Variants in NGLY1 observed in about 807,000 individuals in gnomAD.
The protein encoded by NGLY1 is N-glycanase 1.
In NGLY1, 68 loss-of-function variants were observed where a neutral mutation model predicts 84.6. The ratio of observed to expected loss-of-function variants is 0.80; its 90% CI spans 0.66 to 0.98. NGLY1 has a LOEUF of 0.98. NGLY1 is among the 50% of genes least tolerant of loss of function. The pLI is 0.00. For missense variants in NGLY1, 779 were observed against 770.2 expected (o/e 1.01, Z -0.14); for synonymous variants, 280 against 275.2 (o/e 1.02, Z -0.17).
At chr3:25,765,675 T>G (rs192980545) in intron 2 of NGLY1, among the ~76,000 whole-genome samples, 19 of 152,260 alleles carry the variant, frequency 1.2e-4, no homozygotes, top group African/African-American at 4.6e-4. Flanking sequence ...CCACGTATGA[T>G]TCATAATTGC....
At chr3:25,727,491 G>A (rs1383506630) in intron 10 of NGLY1, among the ~76,000 whole-genome samples, 1 of 152,132 alleles carries the variant, frequency 6.6e-6, no homozygotes, top group Non-Finnish European at 1.5e-5. Context: ...CAGCTCAAAT[G>A]TCGTCTGCTC....
chr3:25,732,239 A>T, intron 9 of NGLY1, 80 bp downstream of exon 9: 1 of 1,272,034 alleles, frequency 7.9e-7, no homozygotes, highest in Non-Finnish European at 1.1e-6. Flanking sequence ...TAGTCAATGC[A>T]GTTGGAGGAT....
rs941612644 is a variant in NGLY1, at chr3:25,733,541, T to G, written c.1260+331A>C. ...TATGTACATACATAATACATAAATA[T>G]GAGTCTGTGTCATATCCAAGGCACA... On this transcript the variant is annotated intron_variant, in intron 8 of 11. Coordinates refer to ENST00000280700, the MANE Select transcript of NGLY1 (RefSeq NM_018297.4). 1.2e-4 allele frequency among the ~76,000 whole-genome samples: 18 copies of G among 151,416 alleles called. No homozygotes were observed. The East Asian group carries it at 3.1e-3, about 26-fold the overall frequency.
chr3:25,769,260 T>G (rs992119663), intron 2 of NGLY1, among the ~76,000 whole-genome samples: 3 of 151,668 alleles, frequency 2.0e-5, no homozygotes, highest in African/African-American at 7.3e-5. Flanking sequence ...ATTCAGGAGG[T>G]TGAGGCAGGA....
chr3:25,735,752 A>G (rs1705781876), intron 7 of NGLY1: 1 of 321,334 alleles, frequency 3.1e-6, no homozygotes, highest in African/African-American at 2.1e-5. Context: ...ATGGCAGCTT[A>G]ATTTGAAATT....
intron 2 of NGLY1, chr3:25,778,297 T>C (rs2125321062): frequency 4.4e-6 from 1 of 225,090 alleles, no homozygotes; most frequent in South Asian, 9.9e-5. Context: ...AAGCCTAAAG[T>C]GAACCACATT....
At chr3:25,780,011 G>A (rs1180815567) in intron 1 of NGLY1, among the ~76,000 whole-genome samples, 1 of 152,148 alleles carries the variant, frequency 6.6e-6, no homozygotes. Flanking sequence ...GAAATTGAAT[G>A]TTCGGTATAC....
rs560761665 is a variant in NGLY1 at position 25,719,422 on chromosome 3, C to A, written c.*38G>T. The A allele has an allele frequency of 1.5e-5, 24 of 1,589,474 alleles. No individual in the cohort carries two copies. The East Asian group carries it at 4.9e-4, about 33-fold the overall frequency. On this transcript the variant is annotated 3_prime_UTR_variant, in exon 12 of 12. Coordinates refer to ENST00000280700, the MANE Select transcript of NGLY1 (RefSeq NM_018297.4). The stretch of plus-strand genomic sequence containing the variant: ...GAACCAACAGACTACTTCAGTAAGT[C>A]CTTGATTATTGCCAGCTTTTCTATA...
At chr3:25,746,243 C>G (rs1706421923) in intron 4 of NGLY1, among the ~76,000 whole-genome samples, 1 of 152,098 alleles carries the variant, frequency 6.6e-6, no homozygotes, top group Admixed American at 6.6e-5. Flanking sequence ...GAAGAAAATC[C>G]CCAATCCCTT....
intron 4 of NGLY1, among the ~76,000 whole-genome samples, chr3:25,745,093 C>T (rs1405494568): frequency 2.6e-5 from 4 of 152,176 alleles, no homozygotes; most frequent in East Asian, 3.9e-4. Flanking sequence ...TGTTACTCTT[C>T]CTCTTCCCAT....
At chr3:25,742,532 G>C (rs1706201203) in intron 4 of NGLY1, among the ~76,000 whole-genome samples, 1 of 152,156 alleles carries the variant, frequency 6.6e-6, no homozygotes, top group Non-Finnish European at 1.5e-5. Context: ...AAAAAGAACA[G>C]AACTGAATGG....
At chr3:25,755,399 A>G (rs1706989353) in intron 3 of NGLY1, 1 of 1,413,646 alleles carries the variant, frequency 7.1e-7, no homozygotes, top group Non-Finnish European at 1.0e-6. Context: ...CACTCCTACT[A>G]TAGTGACCCC....
intron 6 of NGLY1, 30 bp from the exon 7 acceptor site, chr3:25,736,179 G>T (rs1196530315): frequency 1.9e-6 from 3 of 1,601,142 alleles, no homozygotes; most frequent in Non-Finnish European, 2.6e-6. Flanking sequence ...GAGAGCAATG[G>T]AAAAAAGACA....
intron 10 of NGLY1, 72 bp downstream of exon 10, chr3:25,729,061 T>G (rs987464001): frequency 6.5e-6 from 7 of 1,073,508 alleles, no homozygotes; most frequent in African/African-American, 1.6e-5. Context: ...TTTACACAAC[T>G]GAAAAATGAA....
intron 2 of NGLY1, among the ~76,000 whole-genome samples, chr3:25,765,665 C>A (rs1028081974): frequency 7.2e-5 from 11 of 152,140 alleles, no homozygotes; most frequent in African/African-American, 2.7e-4. Flanking sequence ...CCAGCAAGCT[C>A]CACGTATGAT....
At chr3:25,758,408 C>T (rs1350691204) in intron 3 of NGLY1, among the ~76,000 whole-genome samples, 1 of 151,936 alleles carries the variant, frequency 6.6e-6, no homozygotes, top group East Asian at 1.9e-4. Flanking sequence ...AGACCCTCAT[C>T]TCTACAAAAA....
rs199898452 is a variant in NGLY1 at position 25,732,474 on chromosome 3, A to T, written c.1270T>A (p.Phe424Ile). The T allele has an allele frequency of 6.2e-7, 1 of 1,612,692 alleles. No homozygotes were observed. Among genetic ancestry groups the T allele is most frequent in the Non-Finnish European group, 8.5e-7 (1 of 1,179,290 alleles). ...TCTTTCCTTCTGTTTTCTGACAAAA[A>T]CAGTTGCCTCTGTAATTCATGTTTT... Reference protein sequence around the residue: ...INGLNKQRQLFLSENRRKELL... With the variant: ...INGLNKQRQLILSENRRKELL... Residue 424 changes from phenylalanine (F) to isoleucine (I), a missense_variant, in exon 9 of 12, where the codon TTT becomes ATT. Transcript: ENST00000280700.
intron 7 of NGLY1, 185 bp from the exon 8 acceptor site, chr3:25,734,167 G>A: frequency 1.6e-6 from 1 of 642,130 alleles, no homozygotes; most frequent in East Asian, 3.3e-5. Flanking sequence ...CCAGGGTCAA[G>A]AGATTCTCGT....
At chr3:25,761,404 T>C (rs1205462926) in intron 3 of NGLY1, among the ~76,000 whole-genome samples, 4 of 152,196 alleles carry the variant, frequency 2.6e-5, no homozygotes, top group Non-Finnish European at 5.9e-5. Flanking sequence ...AATAAAGGAT[T>C]ATCAGAAAGT....
Sources: gnomAD v4.1 joint callset for allele counts (sites outside exome capture counted in the v4.1 genomes callset) on GRCh38, gnomAD v4.1.1 for gene constraint, MANE v1.5 for transcripts, NCBI Gene and HGNC (gene_info 2026-07-23, HGNC 2026-07-21) for gene names.